The following NR1D2 variants were observed in gnomAD, a reference collection of about 807,000 sequenced individuals.
The protein encoded by NR1D2 is nuclear receptor subfamily 1 group D member 2.
Under a neutral mutation model 52.2 loss-of-function variants are expected in NR1D2, and 25 were observed. That is an observed-to-expected ratio of 0.48 (90% CI 0.35 to 0.67). The LOEUF (loss-of-function observed/expected upper bound fraction) is 0.67, where lower values mean the gene tolerates loss of function less well. NR1D2 is among the 30% of genes least tolerant of loss of function. The pLI is 0.01. For synonymous variants in NR1D2, 259 were observed against 230.1 expected, an observed-to-expected ratio of 1.13 and a Z score of -1.14; for missense variants, 681 against 707.2, an observed-to-expected ratio of 0.96 and a Z score of 0.42.
At chr3:23,946,062 C>G in intron 1 of NR1D2, 1 of 973,018 alleles carries the variant, frequency 1.0e-6, no homozygotes, top group Non-Finnish European at 1.2e-6. Context: ...GGGAGCGCCG[C>G]AGCCTCCCGG....
intron 1 of NR1D2, among the ~76,000 whole-genome samples, chr3:23,951,271 T>C (rs1451100942): frequency 6.6e-6 from 1 of 152,224 alleles, no homozygotes; most frequent in African/African-American, 2.4e-5. Context: ...CATAAATGAC[T>C]GAAAATGGGG....
rs1003182795 is a variant in NR1D2, at chr3:23,980,617, A to G, written c.*3198A>G. On this transcript the variant is annotated 3_prime_UTR_variant, in exon 8 of 8. Coordinates refer to ENST00000312521, the MANE Select transcript of NR1D2 (RefSeq NM_005126.5). ...AGGGGATAATAAATATTTCTAACCA[A>G]CTGTGGTGTTTGGTGTCTAATCTAC... 6 of 152,078 alleles carry G rather than the reference A, an allele frequency of 3.9e-5. No homozygotes were observed. The highest frequency in any genetic ancestry group is 8.8e-5 in the Non-Finnish European group (6 of 68,014). The allele number at this position is 152,078 out of a possible 1,614,324, so 9.4% of individuals were successfully genotyped here.
intron 7 of NR1D2, among the ~76,000 whole-genome samples, chr3:23,970,286 G>A (rs906894618): frequency 1.3e-5 from 2 of 152,160 alleles, no homozygotes; most frequent in African/African-American, 2.4e-5. Context: ...CAACTTCCCA[G>A]AGGTAGTTCA....
chr3:23,975,811 A>C (rs981513586), intron 7 of NR1D2, among the ~76,000 whole-genome samples: 3 of 152,206 alleles, frequency 2.0e-5, no homozygotes, highest in African/African-American at 4.8e-5. Flanking sequence ...GAGTTAATCA[A>C]ATTTTTCTTT....
intron 7 of NR1D2, among the ~76,000 whole-genome samples, chr3:23,975,880 C>G (rs1355501264): frequency 6.6e-6 from 1 of 151,946 alleles, no homozygotes; most frequent in East Asian, 1.9e-4. Flanking sequence ...GGCAAATGAC[C>G]TTTTTCAGCT....
intron 1 of NR1D2, among the ~76,000 whole-genome samples, chr3:23,949,838 T>G (rs1705877888): frequency 6.6e-6 from 1 of 152,152 alleles, no homozygotes; most frequent in East Asian, 1.9e-4. Flanking sequence ...AGAGGAAGTG[T>G]GAGGGTTTTG....
At chr3:23,963,346 T>G (rs1706338060) in intron 5 of NR1D2, 1 of 1,327,782 alleles carries the variant, frequency 7.5e-7, no homozygotes, top group African/African-American at 1.5e-5. Flanking sequence ...TAAAGTCGTC[T>G]TTTTCATTTT....
intron 7 of NR1D2, among the ~76,000 whole-genome samples, chr3:23,973,308 C>T (rs1415220549): frequency 1.3e-5 from 2 of 152,122 alleles, no homozygotes; most frequent in Non-Finnish European, 2.9e-5. Context: ...TTACATAAAC[C>T]TAGATGGTAT....
At chr3:23,972,448 G>A (rs1043148122) in intron 7 of NR1D2, among the ~76,000 whole-genome samples, 1 of 152,178 alleles carries the variant, frequency 6.6e-6, no homozygotes, top group Non-Finnish European at 1.5e-5. Context: ...CATGGAAGGG[G>A]AATTATACCT....
intron 6 of NR1D2, among the ~76,000 whole-genome samples, chr3:23,966,048 A>G (rs1191267419): frequency 6.6e-6 from 1 of 152,164 alleles, no homozygotes; most frequent in Non-Finnish European, 1.5e-5. Context: ...ATAACTTAAC[A>G]GATGTGCCTC....
rs183075465 is a variant in NR1D2 at position 23,949,737 on chromosome 3, C to T, written c.16+4143C>T. Among the ~76,000 whole-genome samples the T allele has an allele frequency of 3.7e-3, 563 of 152,306 alleles. 1 individual carries two copies. Among genetic ancestry groups the T allele is most frequent in the Non-Finnish European group, 5.7e-3 (386 of 68,024 alleles). Reference sequence around the variant, plus strand: ...ACTTTTAAAATGAGGGAAACTAAAGCTTCTTGGTGATAAAATGTTTTGTTC... The same window carrying T: ...ACTTTTAAAATGAGGGAAACTAAAGTTTCTTGGTGATAAAATGTTTTGTTC... On this transcript the variant is annotated intron_variant, in intron 1 of 7. Coordinates refer to ENST00000312521, the MANE Select transcript of NR1D2 (RefSeq NM_005126.5).
At position 23,965,121 on chromosome 3, in the gene NR1D2, C is replaced by T. The variant is rs1344932790; in HGVS notation, c.1291C>T (p.Gln431Ter). 1.2e-6 allele frequency: 2 copies of T among 1,613,004 alleles called. No individual in the cohort carries two copies. Among genetic ancestry groups the T allele is most frequent in the Non-Finnish European group, 1.7e-6 (2 of 1,179,772 alleles). The change falls in exon 6 of 8, where the codon CAG (glutamine) becomes TAG (stop). Residue 431 changes from glutamine to a stop codon, truncating the protein, a stop_gained. Transcript: ENST00000312521. LOFTEE classifies it high-confidence loss of function. ...KRIPGFRDLS[Q>*]HDQVNLLKAG... ...TATTCCTGGGTTCAGAGATCTCTCT[C>T]AGCATGACCAGGTCAACCTTTTAAA...
intron 1 of NR1D2, chr3:23,946,155 A>C: frequency 1.0e-6 from 1 of 984,906 alleles, no homozygotes; most frequent in Non-Finnish European, 1.2e-6. Flanking sequence ...ACTGCGGAGG[A>C]GGCCGCGCGT....
chr3:23,973,679 AT>A (rs1706648480), intron 7 of NR1D2, among the ~76,000 whole-genome samples: 1 of 152,180 alleles, frequency 6.6e-6, no homozygotes, highest in Non-Finnish European at 1.5e-5. Flanking sequence ...TTCTTCCATA[AT>A]AAATTAACCT....
intron 7 of NR1D2, among the ~76,000 whole-genome samples, chr3:23,971,647 A>AT (rs1706593985): frequency 6.6e-6 from 1 of 151,782 alleles, no homozygotes; most frequent in African/African-American, 2.4e-5. Context: ...TTTATGTTTT[A>AT]TTTTTTAATT....
chr3:23,949,416 A>T (rs1318644269), intron 1 of NR1D2, among the ~76,000 whole-genome samples: 1 of 151,566 alleles, frequency 6.6e-6, no homozygotes, highest in Non-Finnish European at 1.5e-5. Flanking sequence ...CACCCTATTT[A>T]AAAAATGTCT....
At chr3:23,948,568 G>C (rs1705841512) in intron 1 of NR1D2, among the ~76,000 whole-genome samples, 1 of 152,136 alleles carries the variant, frequency 6.6e-6, no homozygotes, top group African/African-American at 2.4e-5. Flanking sequence ...AACTCTTCTA[G>C]TATAATGATG....
intron 4 of NR1D2, among the ~76,000 whole-genome samples, chr3:23,960,733 T>C (rs1184581931): frequency 6.6e-6 from 1 of 152,202 alleles, no homozygotes; most frequent in African/African-American, 2.4e-5. Flanking sequence ...ATAAAAATAG[T>C]TGATGGATAT....
At chr3:23,955,920 G>A in intron 2 of NR1D2, 117 bp from the exon 3 acceptor site, 1 of 634,156 alleles carries the variant, frequency 1.6e-6, no homozygotes. Context: ...CATTATGAAA[G>A]TAGATGTGTA....
Sources: gnomAD v4.1 joint callset for allele counts (sites outside exome capture counted in the v4.1 genomes callset) on GRCh38, gnomAD v4.1.1 for gene constraint, MANE v1.5 for transcripts, NCBI Gene and HGNC (gene_info 2026-07-23, HGNC 2026-07-21) for gene names.